MORC1: variants seen among roughly 807,000 people sequenced by gnomAD.
MORC1 encodes the protein MORC family CW-type zinc finger 1, also known as MORC family CW-type zinc finger protein 1.
A neutral mutation model predicts 134.9 loss-of-function variants in MORC1; 59 were observed. The ratio of observed to expected loss-of-function variants is 0.44; its 90% CI spans 0.35 to 0.54. The LOEUF is 0.54. Among genes scored for constraint, MORC1 ranks in the 20% least tolerant of loss-of-function variants. The pLI is 0.00. For synonymous variants in MORC1, 395 were observed against 391.7 expected (o/e 1.01, Z -0.10); for missense variants, 947 against 1,134.5 (o/e 0.83, Z 2.37).
chr3:109,118,122 T>C lies in MORC1; in HGVS notation c.-63A>G. 4 of 1,552,978 alleles carry C rather than the reference T, an allele frequency of 2.6e-6. No homozygotes were observed. Among genetic ancestry groups the C allele is most frequent in the South Asian group, 2.4e-5 (2 of 84,994 alleles). Reference sequence around the variant, plus strand: ...GACACCTGACCGGCAGCCGTTCGCCTGCGCCCGCGCCCACTCCCACGCCCA... The same window carrying C: ...GACACCTGACCGGCAGCCGTTCGCCCGCGCCCGCGCCCACTCCCACGCCCA... On this transcript the variant is annotated 5_prime_UTR_variant, in exon 1 of 28. Transcript: ENST00000232603.
chr3:109,002,722 C>T (rs900168721), intron 20 of MORC1, among the ~76,000 whole-genome samples: 13 of 152,120 alleles, frequency 8.5e-5, no homozygotes, highest in African/African-American at 2.7e-4. Flanking sequence ...CTTCTATACT[C>T]GGCCAAAGCA....
At chr3:109,002,458 T>C (rs1342912654) in intron 20 of MORC1, among the ~76,000 whole-genome samples, 1 of 152,202 alleles carries the variant, frequency 6.6e-6, no homozygotes, top group Admixed American at 6.5e-5. Context: ...GGAAGACAGA[T>C]ATAGCAGTGG....
Position 109,020,678 on chromosome 3 carries a change from A to C in MORC1, c.1704+7073T>G, listed in dbSNP as rs180937790. On this transcript the variant is annotated intron_variant, in intron 17 of 27. Coordinates refer to ENST00000232603, the MANE Select transcript of MORC1 (RefSeq NM_014429.4). Reference sequence around the variant, plus strand: ...CTACTCGGGAGGCTGAGGCAGGAGAATGGTGTGAACCCGGGGGCAGAGCTT... The same window carrying C: ...CTACTCGGGAGGCTGAGGCAGGAGACTGGTGTGAACCCGGGGGCAGAGCTT... 1.0e-3 allele frequency among the ~76,000 whole-genome samples: 151 copies of C among 148,716 alleles called. No homozygotes were observed. The East Asian group carries it at 0.026, about 25-fold the overall frequency.
chr3:108,980,631 T>C (rs895446625), intron 23 of MORC1, among the ~76,000 whole-genome samples: 2 of 152,222 alleles, frequency 1.3e-5, no homozygotes, highest in African/African-American at 4.8e-5. Flanking sequence ...TCTTGTTAAT[T>C]AGACTCTGCA....
intron 22 of MORC1, among the ~76,000 whole-genome samples, chr3:108,986,203 A>C (rs1225206816): frequency 6.6e-6 from 1 of 152,194 alleles, no homozygotes; most frequent in African/African-American, 2.4e-5. Context: ...CCAATGGTAT[A>C]ATATCAAAAT....
intron 20 of MORC1, among the ~76,000 whole-genome samples, chr3:109,003,528 A>G (rs971443022): frequency 6.6e-6 from 1 of 152,090 alleles, no homozygotes; most frequent in Non-Finnish European, 1.5e-5. Flanking sequence ...TTTTTAGAGC[A>G]TGCAACATAT....
chr3:109,003,679 T>C (rs1318685214), intron 20 of MORC1, among the ~76,000 whole-genome samples: 1 of 152,166 alleles, frequency 6.6e-6, no homozygotes, highest in African/African-American at 2.4e-5. Context: ...TATCTGAATA[T>C]ATAAAACTTT....
chr3:109,093,302 T>G, intron 8 of MORC1, 134 bp downstream of exon 8: 1 of 632,126 alleles, frequency 1.6e-6, no homozygotes, highest in Non-Finnish European at 2.7e-6. Context: ...TAGCCCAACT[T>G]TACTAGTAAC....
intron 8 of MORC1, among the ~76,000 whole-genome samples, chr3:109,083,181 A>G (rs940012301): frequency 1.3e-5 from 2 of 152,202 alleles, no homozygotes; most frequent in Admixed American, 1.3e-4. Flanking sequence ...CATCCAGCAA[A>G]GCTATCCTTC....
intron 6 of MORC1, among the ~76,000 whole-genome samples, chr3:109,098,322 A>G (rs1950865357): frequency 6.6e-6 from 1 of 152,184 alleles, no homozygotes. Flanking sequence ...TAAGAAAGCT[A>G]TAATTAAGGG....
intron 14 of MORC1, among the ~76,000 whole-genome samples, chr3:109,036,411 G>A (rs979669436): frequency 2.0e-5 from 3 of 152,114 alleles, no homozygotes; most frequent in African/African-American, 7.2e-5. Flanking sequence ...GATATCTTTA[G>A]AGCAGAAAGA....
At chr3:109,033,251 T>G (rs147333546) in intron 15 of MORC1, among the ~76,000 whole-genome samples, 3 of 145,832 alleles carry the variant, frequency 2.1e-5, no homozygotes, top group Non-Finnish European at 4.5e-5. Context: ...AGTATAAAAT[T>G]AAACTGAAAG....
intron 8 of MORC1, among the ~76,000 whole-genome samples, chr3:109,091,343 C>G (rs1302733985): frequency 6.6e-6 from 1 of 151,746 alleles, no homozygotes; most frequent in Non-Finnish European, 1.5e-5. Flanking sequence ...ACTTGGGAGG[C>G]TGAGGGATGA....
At chr3:109,084,625 T>A (rs1186295606) in intron 8 of MORC1, among the ~76,000 whole-genome samples, 1 of 152,114 alleles carries the variant, frequency 6.6e-6, no homozygotes, top group Admixed American at 6.6e-5. Context: ...ACCAGTGGTA[T>A]TCTTCACAGA....
At chr3:109,061,925 C>G (rs937417015) in intron 11 of MORC1, 63 bp downstream of exon 11, 181 of 1,424,422 alleles carry the variant, frequency 1.3e-4, no homozygotes, top group Non-Finnish European at 1.6e-4. Context: ...GACAACTATG[C>G]ACAGGAAAAA....
chr3:109,061,930 GA>G, intron 11 of MORC1, 57 bp downstream of exon 11: 1 of 1,491,656 alleles, frequency 6.7e-7, no homozygotes, highest in African/African-American at 1.4e-5. Context: ...CTATGCACAG[GA>G]AAAAGCAAAT....
In MORC1 at chr3:109,027,793, C is replaced by T. The variant is rs746703220; in HGVS notation, c.1662G>A (p.Ser554=). 19 of 1,613,780 alleles carry T rather than the reference C, an allele frequency of 1.2e-5. No individual in the cohort carries two copies. The highest frequency in any genetic ancestry group is 2.2e-5 in the East Asian group (1 of 44,866). The change falls in exon 17 of 28, where the codon TCG becomes TCA. Residue 554 remains serine (S), a synonymous_variant. Coordinates refer to ENST00000232603, the MANE Select transcript of MORC1 (RefSeq NM_014429.4). ...CCAGTCTATTTTGATACTTTATGACCGACTCTCTAAGTTGCTTCTCTTTCT... is the reference window on the plus strand; with the variant it reads ...CCAGTCTATTTTGATACTTTATGACTGACTCTCTAAGTTGCTTCTCTTTCT... ...KNEKEKQLRE[S]VIKYQNRLAE...
intron 20 of MORC1, among the ~76,000 whole-genome samples, chr3:109,004,447 G>A (rs1341373971): frequency 6.6e-6 from 1 of 151,998 alleles, no homozygotes; most frequent in Admixed American, 6.6e-5. Context: ...CCTAGCACAG[G>A]GTAAATGCCC....
intron 26 of MORC1, among the ~76,000 whole-genome samples, chr3:108,965,983 C>T (rs1330736190): frequency 1.3e-5 from 2 of 152,114 alleles, no homozygotes; most frequent in Non-Finnish European, 2.9e-5. Context: ...TATTCTCTTG[C>T]CTTTCTCTCC....
Sources: gnomAD v4.1 joint callset for allele counts (sites outside exome capture counted in the v4.1 genomes callset) on GRCh38, gnomAD v4.1.1 for gene constraint, MANE v1.5 for transcripts, NCBI Gene and HGNC (gene_info 2026-07-23, HGNC 2026-07-21) for gene names.